ATRNL1: variants seen among roughly 807,000 people sequenced by gnomAD.
The protein encoded by ATRNL1 is attractin like 1.
In ATRNL1, 95 loss-of-function variants were observed where a neutral mutation model predicts 182.7. The ratio of observed to expected loss-of-function variants is 0.52; its 90% CI spans 0.44 to 0.62. The LOEUF is 0.62. Ranked by LOEUF, ATRNL1 falls within the 20% of genes least tolerant of loss-of-function variation. The probability of loss-of-function intolerance (pLI) is 0.00; values close to 1 mark genes in which losing one functional copy is unlikely to be tolerated. For synonymous variants in ATRNL1, 576 were observed against 568.3 expected (o/e 1.01, Z -0.19); for missense variants, 1,471 against 1,679.5 (o/e 0.88, Z 2.17).
intron 18 of ATRNL1, among the ~76,000 whole-genome samples, chr10:115,333,678 G>A (rs1855344818): frequency 6.6e-6 from 1 of 151,700 alleles, no homozygotes; most frequent in Admixed American, 6.6e-5. Context: ...GTAGAGACAG[G>A]GTTTCACCAA....
At chr10:115,776,331 T>A (rs782743788) in intron 27 of ATRNL1, among the ~76,000 whole-genome samples, 8 of 152,198 alleles carry the variant, frequency 5.3e-5, no homozygotes, top group Admixed American at 2.0e-4. Context: ...CCATTTGGCC[T>A]CCCTAGAAGA....
At chr10:115,246,135 G>T (rs1850627637) in intron 10 of ATRNL1, among the ~76,000 whole-genome samples, 1 of 152,106 alleles carries the variant, frequency 6.6e-6, no homozygotes, top group Non-Finnish European at 1.5e-5. Flanking sequence ...TGTCACACAT[G>T]ATTTATAATA....
intron 26 of ATRNL1, among the ~76,000 whole-genome samples, chr10:115,577,610 TTGTGTGTGTGTGTGTG>T (rs3981280): frequency 2.3e-4 from 31 of 135,104 alleles, no homozygotes; most frequent in African/African-American, 3.0e-4. Flanking sequence ...TTCTAACAGG[TTGTGTGTGTGTGTGTG>T]TGTGTGTGTG....
chr10:115,135,086 A>G (rs1167729202), intron 5 of ATRNL1, among the ~76,000 whole-genome samples: 1 of 152,078 alleles, frequency 6.6e-6, no homozygotes, highest in East Asian at 1.9e-4. Flanking sequence ...ATCATACCGA[A>G]TGGGCAAAAA....
chr10:115,674,835 C>T (rs1945810335), intron 26 of ATRNL1, among the ~76,000 whole-genome samples: 1 of 152,048 alleles, frequency 6.6e-6, no homozygotes, highest in Non-Finnish European at 1.5e-5. Flanking sequence ...ATGCTAGCAA[C>T]TTTGCATAAA....
chr10:115,914,104 G>T (rs968226270), intron 28 of ATRNL1, among the ~76,000 whole-genome samples: 8 of 152,070 alleles, frequency 5.3e-5, no homozygotes, highest in African/African-American at 1.7e-4. Context: ...TTTATAAGGG[G>T]TTTTCCCTGC....
At chr10:115,384,267 G>A (rs1554952019) in intron 19 of ATRNL1, among the ~76,000 whole-genome samples, 1 of 151,880 alleles carries the variant, frequency 6.6e-6, no homozygotes, top group Non-Finnish European at 1.5e-5. Context: ...CTTTAAAAGT[G>A]CCCTTAGATA....
chr10:115,523,297 G>A (rs1851047654), intron 25 of ATRNL1, among the ~76,000 whole-genome samples: 1 of 152,158 alleles, frequency 6.6e-6, no homozygotes. Context: ...CTTGGTCTGT[G>A]ATGGGAAGCC....
chr10:115,846,624 C>G (rs1950934450), intron 27 of ATRNL1, among the ~76,000 whole-genome samples: 1 of 152,108 alleles, frequency 6.6e-6, no homozygotes, highest in Non-Finnish European at 1.5e-5. Flanking sequence ...ATGGCCAAAA[C>G]TAACATTCCT....
chr10:115,578,741 G>A (rs782757786), intron 26 of ATRNL1, among the ~76,000 whole-genome samples: 1 of 151,214 alleles, frequency 6.6e-6, no homozygotes, highest in Non-Finnish European at 1.5e-5. Context: ...TCCTATGCTG[G>A]TCTTTATTAG....
chr10:115,389,542 A>ATG (rs1220749205), intron 19 of ATRNL1, among the ~76,000 whole-genome samples: 12 of 10,274 alleles, frequency 1.2e-3, no homozygotes, highest in African/African-American at 3.1e-3. Flanking sequence ...GTGTATGTGT[A>ATG]TATATATATA....
At chr10:115,189,007 C>T (rs1848064743) in intron 8 of ATRNL1, among the ~76,000 whole-genome samples, 1 of 152,016 alleles carries the variant, frequency 6.6e-6, no homozygotes, top group South Asian at 2.1e-4. Context: ...GAAACAGTAT[C>T]AATATAATGA....
At chr10:115,503,183 A>G (rs960279961) in intron 24 of ATRNL1, among the ~76,000 whole-genome samples, 1 of 152,164 alleles carries the variant, frequency 6.6e-6, no homozygotes, top group Non-Finnish European at 1.5e-5. Context: ...AACCTTAATT[A>G]AAAAAATTAA....
At chr10:115,485,859 C>A (rs566487896) in intron 24 of ATRNL1, among the ~76,000 whole-genome samples, 2 of 152,102 alleles carry the variant, frequency 1.3e-5, no homozygotes, top group African/African-American at 4.8e-5. Context: ...CTGTTATCTA[C>A]ATTAGGTATT....
intron 8 of ATRNL1, among the ~76,000 whole-genome samples, chr10:115,201,907 T>A (rs1310020003): frequency 3.3e-5 from 5 of 152,174 alleles, no homozygotes; most frequent in Admixed American, 6.6e-5. Context: ...TTTATTTCAT[T>A]GAGCAGTGGT....
chr10:115,748,732 A>G (rs553359640), intron 27 of ATRNL1, among the ~76,000 whole-genome samples: 39 of 151,872 alleles, frequency 2.6e-4, no homozygotes, highest in African/African-American at 8.7e-4. Flanking sequence ...TGTGCTGTCT[A>G]CTCTCATATT....
At chr10:115,479,823 G>A (rs1169568491) in intron 24 of ATRNL1, among the ~76,000 whole-genome samples, 1 of 151,236 alleles carries the variant, frequency 6.6e-6, no homozygotes, top group East Asian at 1.9e-4. Flanking sequence ...TAGCGGTAGT[G>A]CTAATAACTT....
intron 15 of ATRNL1, among the ~76,000 whole-genome samples, chr10:115,295,816 T>G (rs1269663973): frequency 2.0e-5 from 3 of 152,020 alleles, no homozygotes; most frequent in African/African-American, 7.2e-5. Context: ...GGACCTAGGC[T>G]CCATTCAGCT....
chr10:115,609,323 G>C (rs1555018333), intron 26 of ATRNL1, among the ~76,000 whole-genome samples: 1 of 152,134 alleles, frequency 6.6e-6, no homozygotes. Context: ...GCAGTTGAGA[G>C]CACTGCTGAG....
Sources: allele counts gnomAD v4.1 joint callset (sites outside exome capture counted in the v4.1 genomes callset), GRCh38; gene constraint gnomAD v4.1.1; transcripts MANE v1.5; gene names NCBI Gene and HGNC (gene_info 2026-07-23, HGNC 2026-07-21).